GRIN2B: variants seen among roughly 807,000 people sequenced by gnomAD.
GRIN2B encodes the protein glutamate ionotropic receptor NMDA type subunit 2B.
GRIN2B carries 5 observed loss-of-function variants against 114.5 expected under a neutral mutation model. That is an observed-to-expected ratio of 0.04 (90% CI 0.02 to 0.09). GRIN2B has a LOEUF of 0.09. Among genes scored for constraint, GRIN2B ranks in the 10% least tolerant of loss-of-function variants. The probability of loss-of-function intolerance (pLI) is 1.00; values close to 1 mark genes in which losing one functional copy is unlikely to be tolerated. For missense variants in GRIN2B, 1,108 were observed against 1,943.5 expected, an observed-to-expected ratio of 0.57 and a Z score of 8.08; for synonymous variants, 787 against 745.1, an observed-to-expected ratio of 1.06 and a Z score of -0.92.
intron 5 of GRIN2B, among the ~76,000 whole-genome samples, chr12:13,643,290 G>T (rs1008550372): frequency 5.9e-5 from 9 of 152,050 alleles, no homozygotes; most frequent in East Asian, 1.9e-4. Context: ...TGATAAAAAA[G>T]TCACACAAAT....
At chr12:13,637,429 AG>A (rs1275142163) in intron 5 of GRIN2B, among the ~76,000 whole-genome samples, 1 of 152,182 alleles carries the variant, frequency 6.6e-6, no homozygotes, top group Non-Finnish European at 1.5e-5. Flanking sequence ...AGAAAAGGAC[AG>A]TGTGAAATTT....
Position 13,563,674 on chromosome 12 carries a change from G to A in GRIN2B, c.3564C>T (p.Gly1188=), listed in dbSNP as rs1017679931. 1.2e-6 allele frequency: 2 copies of A among 1,613,462 alleles called. No homozygotes were observed. The highest frequency in any genetic ancestry group is 1.7e-6 in the Non-Finnish European group (2 of 1,179,972). The change falls in exon 14 of 14, where the codon GGC becomes GGT. Residue 1188 remains glycine (G), a synonymous_variant. Coordinates refer to ENST00000609686, the MANE Select transcript of GRIN2B (RefSeq NM_000834.5). ...AAGGTGCAGGTACCCCGCTGACCAC[G>A]CCGTGTTTGTCGCCCGTCCCGTGCT... ...HIKHGTGDKH[G]VVSGVPAPWE...
chr12:13,960,189 G>GC (rs1867665751), intron 2 of GRIN2B, among the ~76,000 whole-genome samples: 1 of 152,098 alleles, frequency 6.6e-6, no homozygotes, highest in Non-Finnish European at 1.5e-5. Context: ...AGGAAAAACA[G>GC]CCCCCAGTAG....
At chr12:13,680,439 TGTG>T (rs1950118977) in intron 4 of GRIN2B, among the ~76,000 whole-genome samples, 2 of 24,208 alleles carry the variant, frequency 8.3e-5, no homozygotes, top group Non-Finnish European at 2.0e-4. Flanking sequence ...ATCAAGGTTG[TGTG>T]TGTGTGTGTG....
At chr12:13,645,359 T>C (rs1297682076) in intron 5 of GRIN2B, among the ~76,000 whole-genome samples, 1 of 152,044 alleles carries the variant, frequency 6.6e-6, no homozygotes, top group Admixed American at 6.6e-5. Context: ...CTTATCTGGG[T>C]GTGGTTGGTG....
intron 3 of GRIN2B, among the ~76,000 whole-genome samples, chr12:13,794,087 C>CA (rs1864368930): frequency 7.1e-6 from 1 of 139,942 alleles, no homozygotes; most frequent in Non-Finnish European, 1.5e-5. Flanking sequence ...GGTGTCGTAA[C>CA]ATGTGCCTGT....
intron 3 of GRIN2B, among the ~76,000 whole-genome samples, chr12:13,755,693 C>G (rs573886581): frequency 1.3e-5 from 2 of 152,346 alleles, no homozygotes; most frequent in South Asian, 4.1e-4. Flanking sequence ...GAGTACAACT[C>G]TTAGGCAAAG....
intron 2 of GRIN2B, among the ~76,000 whole-genome samples, chr12:13,878,824 C>T (rs1487343521): frequency 1.3e-5 from 2 of 152,138 alleles, no homozygotes; most frequent in Non-Finnish European, 2.9e-5. Context: ...CGGGAGCCAG[C>T]ATTTTGAGAA....
At chr12:13,817,680 T>G (rs1864852742) in intron 3 of GRIN2B, among the ~76,000 whole-genome samples, 1 of 152,178 alleles carries the variant, frequency 6.6e-6, no homozygotes, top group African/African-American at 2.4e-5. Flanking sequence ...TTTTTAAATG[T>G]CCCCAGAATA....
At chr12:13,902,435 T>C (rs1866466914) in intron 2 of GRIN2B, among the ~76,000 whole-genome samples, 1 of 152,176 alleles carries the variant, frequency 6.6e-6, no homozygotes, top group Non-Finnish European at 1.5e-5. Flanking sequence ...TGCAGATACA[T>C]TTTAAAAAAT....
chr12:13,956,678 C>T (rs1363271903), intron 2 of GRIN2B, among the ~76,000 whole-genome samples: 2 of 152,204 alleles, frequency 1.3e-5, no homozygotes, highest in African/African-American at 4.8e-5. Context: ...CTTCTGGGGA[C>T]TCACCAGTAA....
At chr12:13,581,142 A>C (rs1272514483) in intron 10 of GRIN2B, among the ~76,000 whole-genome samples, 1 of 152,176 alleles carries the variant, frequency 6.6e-6, no homozygotes, top group Admixed American at 6.5e-5. Context: ...TTTTGAGTGA[A>C]CATGTTTTCA....
chr12:13,762,439 G>T (rs780714728), intron 3 of GRIN2B, among the ~76,000 whole-genome samples: 4 of 152,258 alleles, frequency 2.6e-5, no homozygotes, highest in African/African-American at 9.6e-5. Context: ...TTAAGTGCAA[G>T]CCAGTGATGG....
chr12:13,780,494 T>C (rs1864088540), intron 3 of GRIN2B, among the ~76,000 whole-genome samples: 1 of 152,222 alleles, frequency 6.6e-6, no homozygotes, highest in African/African-American at 2.4e-5. Context: ...GAATAGCAGA[T>C]GCACTATGTT....
At chr12:13,598,504 C>T (rs930235760) in intron 10 of GRIN2B, among the ~76,000 whole-genome samples, 1 of 152,162 alleles carries the variant, frequency 6.6e-6, no homozygotes, top group African/African-American at 2.4e-5. Context: ...AATGCCAGCC[C>T]TTCTCCATTC....
intron 3 of GRIN2B, among the ~76,000 whole-genome samples, chr12:13,767,436 T>C (rs900856937): frequency 1.2e-4 from 18 of 152,216 alleles, no homozygotes; most frequent in African/African-American, 4.3e-4. Flanking sequence ...ATTTTCTTAC[T>C]GATGAATCAA....
At chr12:13,725,579 C>A (rs1489540404) in intron 4 of GRIN2B, among the ~76,000 whole-genome samples, 1 of 152,028 alleles carries the variant, frequency 6.6e-6, no homozygotes, top group Non-Finnish European at 1.5e-5. Context: ...ATGAGGGAAA[C>A]CAAGCAGATC....
intron 4 of GRIN2B, among the ~76,000 whole-genome samples, chr12:13,717,608 C>G (rs1472810177): frequency 1.3e-5 from 2 of 151,936 alleles, no homozygotes; most frequent in Non-Finnish European, 2.9e-5. Context: ...AATGATAATG[C>G]AGTAGACGCG....
chr12:13,594,791 G>A (rs1439469378), intron 10 of GRIN2B, among the ~76,000 whole-genome samples: 4 of 152,124 alleles, frequency 2.6e-5, no homozygotes, highest in Non-Finnish European at 4.4e-5. Flanking sequence ...GAGCATGGGT[G>A]TATTGGATAA....
Sources: allele counts gnomAD v4.1 joint callset (sites outside exome capture counted in the v4.1 genomes callset), GRCh38; gene constraint gnomAD v4.1.1; transcripts MANE v1.5; gene names NCBI Gene and HGNC (gene_info 2026-07-23, HGNC 2026-07-21).